TDRD5: variants seen among roughly 807,000 people sequenced by gnomAD.
TDRD5 encodes the protein tudor domain-containing protein 5.
Under a neutral mutation model 120.6 loss-of-function variants are expected in TDRD5, and 41 were observed. The observed-to-expected ratio is 0.34, with a 90% CI of 0.26 to 0.44. The LOEUF (loss-of-function observed/expected upper bound fraction) is 0.44, where lower values mean the gene tolerates loss of function less well. TDRD5 is among the 20% of genes least tolerant of loss of function. The pLI, the probability that TDRD5 is intolerant of heterozygous loss-of-function variation, is 1.00. For synonymous variants in TDRD5, 430 were observed against 433.7 expected (o/e 0.99, Z 0.11); for missense variants, 1,006 against 1,221.2 (o/e 0.82, Z 2.63).
At chr1:179,594,683 T>C (rs1251885021) in intron 3 of TDRD5, among the ~76,000 whole-genome samples, 2 of 152,262 alleles carry the variant, frequency 1.3e-5, no homozygotes, top group Non-Finnish European at 2.9e-5. Context: ...TTTCTCCAAC[T>C]TCTGCATTTA....
intron 17 of TDRD5, among the ~76,000 whole-genome samples, chr1:179,682,317 C>T (rs1475328378): frequency 2.6e-5 from 4 of 151,966 alleles, no homozygotes; most frequent in Non-Finnish European, 5.9e-5. Flanking sequence ...CATAGGTATA[C>T]ACGTGCCATG....
intron 10 of TDRD5, 27 bp downstream of exon 10, chr1:179,640,078 G>C (rs1184136222): frequency 6.2e-7 from 1 of 1,607,882 alleles, no homozygotes; most frequent in South Asian, 1.1e-5. Flanking sequence ...TAGAACAATG[G>C]ATGAATTAAA....
At chr1:179,679,753 C>A (rs920824095) in intron 17 of TDRD5, among the ~76,000 whole-genome samples, 1 of 151,378 alleles carries the variant, frequency 6.6e-6, no homozygotes, top group African/African-American at 2.4e-5. Context: ...AGAGGTTTAT[C>A]AATTTTATTG....
intron 7 of TDRD5, among the ~76,000 whole-genome samples, chr1:179,633,138 G>A (rs915624839): frequency 3.3e-5 from 5 of 151,754 alleles, no homozygotes; most frequent in Admixed American, 6.6e-5. Flanking sequence ...ATATACTATG[G>A]GTGTTTTTTC....
intron 16 of TDRD5, among the ~76,000 whole-genome samples, chr1:179,667,977 G>T (rs1679640966): frequency 6.6e-6 from 1 of 152,170 alleles, no homozygotes. Context: ...GTTTCAGTTT[G>T]CTCTAGGCAG....
At chr1:179,651,941 A>G in intron 12 of TDRD5, 98 bp from the exon 13 acceptor site, 1 of 1,318,924 alleles carries the variant, frequency 7.6e-7, no homozygotes. Flanking sequence ...TTGGAAGATA[A>G]TATACTTCCA....
chr1:179,630,573 G>A (rs1677378902), intron 6 of TDRD5, among the ~76,000 whole-genome samples, 194 bp from the exon 7 acceptor site: 1 of 152,078 alleles, frequency 6.6e-6, no homozygotes, highest in Non-Finnish European at 1.5e-5. Context: ...ACTTGACATT[G>A]ACCCAGAAGT....
intron 4 of TDRD5, among the ~76,000 whole-genome samples, chr1:179,596,456 C>CA (rs1558367203): frequency 6.6e-6 from 1 of 152,134 alleles, no homozygotes; most frequent in Admixed American, 6.6e-5. Flanking sequence ...CCATCATCCC[C>CA]AAAAAAGCTC....
Position 179,593,827 on chromosome 1 carries a change from G to C in TDRD5, c.600G>C (p.Lys200Asn). Residue 200 changes from lysine (K) to asparagine (N), a missense_variant, in exon 3 of 18, where the codon AAG becomes AAC. Lys to Asn is a moderately conservative substitution (Grantham distance 94, BLOSUM62 0). Around this residue, in one of 3 missense-constraint regions of TDRD5, gnomAD observed 445 missense variants for 515.5 expected, o/e 0.86. Transcript: ENST00000444136. ...QTRAGSLLML[K>N]KSVTEEKPRG... ...GAGCAGGTTCTTTGTTGATGCTAAA[G>C]AAGAGTGTAACAGAGGAAAAGCCGA... The C allele has an allele frequency of 6.2e-7, 1 of 1,614,168 alleles. No homozygotes were observed.
intron 17 of TDRD5, 58 bp from the exon 18 acceptor site, chr1:179,690,638 G>A: frequency 6.4e-7 from 1 of 1,568,338 alleles, no homozygotes; most frequent in African/African-American, 1.4e-5. Flanking sequence ...ATGGGGGAGA[G>A]GAGGCAGTGA....
chr1:179,652,121 A>G lies in TDRD5; in HGVS notation c.2084A>G (p.Tyr695Cys). 1.9e-6 allele frequency: 3 copies of G among 1,614,092 alleles called. No individual in the cohort carries two copies. Among genetic ancestry groups the G allele is most frequent in the Middle Eastern group, 1.7e-4 (1 of 6,058 alleles). The change falls in exon 13 of 18, where the codon TAT becomes TGT. Residue 695 changes from tyrosine to cysteine, a missense_variant. By Grantham distance (194) the Tyr-to-Cys change is radical. Around this residue, in one of 3 missense-constraint regions of TDRD5, gnomAD observed 403 missense variants for 448.1 expected, o/e 0.90. Transcript: ENST00000444136. ...GACATTGTCTTGACAGAACTGGGTTATCCTTCCCAGCAGCACTATTTTAAT... is the reference window on the plus strand; with the variant it reads ...GACATTGTCTTGACAGAACTGGGTTGTCCTTCCCAGCAGCACTATTTTAAT... ...PEDIVLTELG[Y>C]PSQQHYFNED...
At chr1:179,666,626 C>T (rs1415662982) in intron 16 of TDRD5, among the ~76,000 whole-genome samples, 2 of 152,078 alleles carry the variant, frequency 1.3e-5, no homozygotes, top group Non-Finnish European at 1.5e-5. Context: ...TGCCCTATGC[C>T]GTTTTCTTAC....
At position 179,593,874 on chromosome 1, in the gene TDRD5, A is replaced by G; in HGVS notation, c.640+7A>G. On this transcript the variant is annotated splice_region_variant and intron_variant, in intron 3 of 17. Coordinates refer to ENST00000444136, the MANE Select transcript of TDRD5 (RefSeq NM_001199085.3). ...CCGAGAGGATGTCCAGCAGGTACGC[A>G]TGTGAGCAAATGTTGGAGCAGTCAT... 6.2e-7 allele frequency: 1 copy of G among 1,608,096 alleles called. No homozygotes were observed. Among genetic ancestry groups the G allele is most frequent in the Non-Finnish European group, 8.5e-7 (1 of 1,176,158 alleles).
intron 4 of TDRD5, among the ~76,000 whole-genome samples, chr1:179,597,497 A>G (rs1675466237): frequency 6.6e-6 from 1 of 151,418 alleles, no homozygotes; most frequent in Admixed American, 6.6e-5. Context: ...ACACCTGGCT[A>G]ATTTTTGTAT....
chr1:179,662,065 A>G, intron 14 of TDRD5, 39 bp from the exon 15 acceptor site: 1 of 1,503,570 alleles, frequency 6.7e-7, no homozygotes, highest in African/African-American at 1.4e-5. Flanking sequence ...TATAGGAACT[A>G]TAAATGATAG....
chr1:179,647,645 C>G (rs1485812438), intron 11 of TDRD5, among the ~76,000 whole-genome samples: 1 of 152,012 alleles, frequency 6.6e-6, no homozygotes, highest in Non-Finnish European at 1.5e-5. Context: ...AAACTACCAT[C>G]AGAGTGAACA....
intron 17 of TDRD5, among the ~76,000 whole-genome samples, chr1:179,679,608 G>A (rs1680318745): frequency 6.6e-6 from 1 of 151,880 alleles, no homozygotes; most frequent in African/African-American, 2.4e-5. Flanking sequence ...GTCTTTCAAG[G>A]AATTTATCCA....
chr1:179,595,430 G>C (rs1325857121), intron 3 of TDRD5, among the ~76,000 whole-genome samples, 198 bp from the exon 4 acceptor site: 2 of 152,106 alleles, frequency 1.3e-5, no homozygotes, highest in Non-Finnish European at 2.9e-5. Flanking sequence ...AATGATCTCT[G>C]TCTTCCTCTA....
At chr1:179,685,486 G>A (rs1490481828) in intron 17 of TDRD5, among the ~76,000 whole-genome samples, 1 of 152,154 alleles carries the variant, frequency 6.6e-6, no homozygotes, top group Non-Finnish European at 1.5e-5. Context: ...GAAGCCTCCA[G>A]CTTTGTTCTT....
Sources: gnomAD v4.1 joint callset for allele counts (sites outside exome capture counted in the v4.1 genomes callset) on GRCh38, gnomAD v4.1.1 for gene constraint, gnomAD v4.1.1 regional missense constraint, MANE v1.5 for transcripts, NCBI Gene and HGNC (gene_info 2026-07-23, HGNC 2026-07-21) for gene names.